The following PALS2 variants were observed in gnomAD, a reference collection of about 807,000 sequenced individuals.
PALS2 encodes protein PALS2.
Under a neutral mutation model 61.6 loss-of-function variants are expected in PALS2, and 27 were observed. The observed-to-expected ratio is 0.44, with a 90% confidence interval of 0.32 to 0.60. The LOEUF is 0.60. Ranked by LOEUF, PALS2 falls within the 20% of genes least tolerant of loss-of-function variation. The probability of loss-of-function intolerance (pLI) is 0.05; values close to 1 mark genes in which losing one functional copy is unlikely to be tolerated. For synonymous variants in PALS2, 236 were observed against 218.6 expected, an observed-to-expected ratio of 1.08 and a Z score of -0.70; for missense variants, 554 against 639.4, an observed-to-expected ratio of 0.87 and a Z score of 1.44.
In PALS2 at chr7:24,595,176, T is replaced by C. The variant is rs371105524; in HGVS notation, c.-3+21583T>C. Among the ~76,000 whole-genome samples, 45 of 151,888 alleles carry C rather than the reference T, an allele frequency of 3.0e-4. No homozygotes were observed. In the South Asian group the frequency reaches 9.1e-3, roughly 31 times the overall value. On this transcript the variant is annotated intron_variant, in intron 1 of 11. Coordinates refer to ENST00000222644, the MANE Select transcript of PALS2 (RefSeq NM_001303037.2). The stretch of plus-strand genomic sequence containing the variant: ...TGCCAAGATTTAAATCAAAAGTTCT[T>C]CGTGACAGATTAGATAGAATAAAGG...
chr7:24,620,354 A>G (rs1011078851), intron 1 of PALS2: 1 of 152,208 alleles, frequency 6.6e-6, no homozygotes, highest in Non-Finnish European at 1.5e-5. Context: ...AGAACTATGT[A>G]TTGTATTTTG....
intron 1 of PALS2, among the ~76,000 whole-genome samples, chr7:24,602,551 A>G (rs956990413): frequency 6.6e-6 from 1 of 152,204 alleles, no homozygotes; most frequent in Non-Finnish European, 1.5e-5. Context: ...CTGCCTGGAA[A>G]GTAAAGACCA....
In PALS2 at chr7:24,630,907, A is replaced by C. The variant is rs570276983; in HGVS notation, c.117+7123A>C. 6.6e-5 allele frequency among the ~76,000 whole-genome samples: 10 copies of C among 152,314 alleles called. No individual in the cohort carries two copies. In the East Asian group the frequency reaches 1.9e-3, roughly 29 times the overall value. ...AAAAAAAGATTTCTTTCAAAATACT[A>C]CTGGTTATTGACAACACACTTGGTC... On this transcript the variant is annotated intron_variant, in intron 2 of 11. Transcript: ENST00000222644.
At chr7:24,649,498 T>A in intron 3 of PALS2, 114 bp from the exon 4 acceptor site, 2 of 823,946 alleles carry the variant, frequency 2.4e-6, no homozygotes, top group Non-Finnish European at 3.5e-6. Context: ...TTTAATACCA[T>A]GTGCCTTGGA....
chr7:24,641,007 CAAAAAAAAAAAAA>C (rs35912373), intron 2 of PALS2, among the ~76,000 whole-genome samples: 3 of 67,106 alleles, frequency 4.5e-5, no homozygotes, highest in African/African-American at 1.1e-4. Flanking sequence ...GACTCCATCT[CAAAAAAAAAAAAA>C]AAAAAAAAAA....
intron 1 of PALS2, among the ~76,000 whole-genome samples, chr7:24,591,745 A>G (rs1783296141): frequency 6.6e-6 from 1 of 152,112 alleles, no homozygotes; most frequent in Admixed American, 6.6e-5. Context: ...CAACTGGTCA[A>G]TATATAGCCT....
chr7:24,677,355 C>A (rs1016018579), intron 9 of PALS2, among the ~76,000 whole-genome samples: 1 of 152,010 alleles, frequency 6.6e-6, no homozygotes. Context: ...TAATTGAATA[C>A]CCTTTATTTC....
At chr7:24,644,601 A>G (rs370312540) in intron 3 of PALS2, among the ~76,000 whole-genome samples, 28 of 151,994 alleles carry the variant, frequency 1.8e-4, no homozygotes, top group Non-Finnish European at 2.2e-4. Flanking sequence ...TAGTGCTGCA[A>G]TGAACATTTG....
chr7:24,674,532 G>T (rs1302537548), intron 9 of PALS2: 1 of 152,358 alleles, frequency 6.6e-6, no homozygotes, highest in African/African-American at 2.4e-5. Context: ...CATCTTCAGG[G>T]TAATGAACAT....
At chr7:24,607,048 AT>A in intron 1 of PALS2, among the ~76,000 whole-genome samples, 1 of 152,078 alleles carries the variant, frequency 6.6e-6, no homozygotes, top group East Asian at 1.9e-4. Flanking sequence ...TGCGCAAGAA[AT>A]TTTGGAGTTG....
At chr7:24,613,140 CT>C (rs1277549881) in intron 1 of PALS2, among the ~76,000 whole-genome samples, 1 of 151,590 alleles carries the variant, frequency 6.6e-6, no homozygotes, top group Non-Finnish European at 1.5e-5. Flanking sequence ...AATTGGAAAG[CT>C]TTCAGTCTTT....
rs1784372130 is a variant in PALS2 at position 24,618,441 on chromosome 7, C to T, written c.-2-5225C>T. ...CTAGGCTGGAAAAGTGCAGGGTGTA[C>T]TTCAGAAATGGTTCTGGTCTCAAGG... On this transcript the variant is annotated intron_variant, in intron 1 of 11. Transcript: ENST00000222644. This position sits in a 1 kb window ranked among gnomAD's most constrained non-coding sequence, Gnocchi z 5.1. Among the ~76,000 whole-genome samples, 1 of 152,232 alleles carries T rather than the reference C, an allele frequency of 6.6e-6. No homozygotes were observed. Among genetic ancestry groups the T allele is most frequent in the Non-Finnish European group, 1.5e-5 (1 of 68,042 alleles).
intron 2 of PALS2, among the ~76,000 whole-genome samples, chr7:24,639,811 C>A (rs990269103): frequency 8.0e-6 from 1 of 124,452 alleles, no homozygotes; most frequent in Non-Finnish European, 1.7e-5. Context: ...ATTTTCTAGT[C>A]TAATTTTTTT....
chr7:24,685,345 A>G (rs1788140137), intron 11 of PALS2, among the ~76,000 whole-genome samples: 1 of 152,150 alleles, frequency 6.6e-6, no homozygotes, highest in Non-Finnish European at 1.5e-5. Context: ...TCTATACAAC[A>G]TTTTCATTGC....
intron 2 of PALS2, among the ~76,000 whole-genome samples, chr7:24,640,695 C>G (rs1258975373): frequency 6.6e-6 from 1 of 152,088 alleles, no homozygotes; most frequent in Admixed American, 6.6e-5. Flanking sequence ...CGGCTTTACT[C>G]CTACTATGAA....
intron 5 of PALS2, among the ~76,000 whole-genome samples, chr7:24,651,103 G>A (rs977125371): frequency 2.0e-5 from 3 of 152,120 alleles, no homozygotes; most frequent in African/African-American, 7.2e-5. Context: ...TTGTGTCATG[G>A]GTGAAATGAC....
intron 2 of PALS2, among the ~76,000 whole-genome samples, chr7:24,635,588 A>G (rs537830699): frequency 1.3e-5 from 2 of 152,314 alleles, no homozygotes; most frequent in South Asian, 2.1e-4. Context: ...AATGTTAAAT[A>G]GAAGTGATGA....
chr7:24,671,640 GTATTT>G (rs1297796843), intron 9 of PALS2, among the ~76,000 whole-genome samples: 5 of 152,002 alleles, frequency 3.3e-5, no homozygotes, highest in African/African-American at 1.2e-4. Context: ...TTTTACTCCT[GTATTT>G]TATTTTAAGA....
Position 24,573,618 on chromosome 7 carries a change from G to T in PALS2, c.-3+25G>T. 5.9e-6 allele frequency: 2 copies of T among 341,012 alleles called. No individual in the cohort carries two copies. Among genetic ancestry groups the T allele is most frequent in the Non-Finnish European group, 1.1e-5 (2 of 189,138 alleles). 21.1% of individuals were successfully genotyped at this position (341,012 alleles called of 1,614,324 possible). Reference sequence around the variant, plus strand: ...GGTGAGTTAACTGGACCCCCACGCCGCTCGGGTAACGGTCGCGCCGCGCGC... The same window carrying T: ...GGTGAGTTAACTGGACCCCCACGCCTCTCGGGTAACGGTCGCGCCGCGCGC... On this transcript the variant is annotated intron_variant, in intron 1 of 11. Transcript: ENST00000222644. This position sits in a 1 kb window ranked among gnomAD's most constrained non-coding sequence, Gnocchi z 5.3.
Sources: gnomAD v4.1 joint callset for allele counts (sites outside exome capture counted in the v4.1 genomes callset) on GRCh38, gnomAD v4.1.1 for gene constraint, Gnocchi (gnomAD v3.1) non-coding constraint, MANE v1.5 for transcripts, NCBI Gene and HGNC (gene_info 2026-07-23, HGNC 2026-07-21) for gene names.